GDPD1: variants seen among roughly 807,000 people sequenced by gnomAD.
GDPD1 encodes lysophospholipase D GDPD1.
In GDPD1, 28 loss-of-function variants were observed where a neutral mutation model predicts 45.1. The ratio of observed to expected loss-of-function variants is 0.62; its 90% CI spans 0.46 to 0.85. The LOEUF (loss-of-function observed/expected upper bound fraction) is 0.85, where lower values mean the gene tolerates loss of function less well. GDPD1 is among the 40% of genes least tolerant of loss of function. GDPD1 has a pLI of 0.00. For missense variants in GDPD1, 256 were observed against 364.8 expected (o/e 0.70, Z 2.43); for synonymous variants, 139 against 131.4 (o/e 1.06, Z -0.40).
rs370509022 is a variant in GDPD1 at position 59,238,826 on chromosome 17, T to C, written c.185+4292T>C. On this transcript the variant is annotated intron_variant, in intron 2 of 9. Coordinates refer to ENST00000284116, the MANE Select transcript of GDPD1 (RefSeq NM_182569.4). ...CACTAGTTGCTTACTGAATGAAATA[T>C]GGAATGGGACATTCAGGAATAAAGC... 6.6e-4 allele frequency among the ~76,000 whole-genome samples: 100 copies of C among 152,314 alleles called. 1 individual carries two copies. In the South Asian group the frequency reaches 0.019, roughly 29 times the overall value.
At chr17:59,240,708 C>G (rs919961431) in intron 2 of GDPD1, among the ~76,000 whole-genome samples, 47 of 152,236 alleles carry the variant, frequency 3.1e-4, no homozygotes, top group Admixed American at 5.2e-4. Context: ...TGACCTCAAG[C>G]AATCCTCCTG....
At chr17:59,247,008 T>G (rs571635087) in intron 3 of GDPD1, among the ~76,000 whole-genome samples, 6 of 152,004 alleles carry the variant, frequency 3.9e-5, no homozygotes, top group Non-Finnish European at 8.8e-5. Context: ...CCTCAGTTGA[T>G]CCTCCTGCCT....
intron 6 of GDPD1, among the ~76,000 whole-genome samples, chr17:59,258,086 C>T (rs1365710489): frequency 1.3e-5 from 2 of 151,864 alleles, no homozygotes; most frequent in African/African-American, 4.8e-5. Flanking sequence ...ACCACTGCAC[C>T]CAGCTAATTT....
In GDPD1 at chr17:59,275,138, G is replaced by A. The variant is rs778560482; in HGVS notation, c.*1365G>A. On this transcript the variant is annotated 3_prime_UTR_variant, in exon 10 of 10. Transcript: ENST00000284116. The stretch of plus-strand genomic sequence containing the variant: ...ATTACAGGTTTGAACCACTGCACCC[G>A]GCCAGTAAAAGAAATTTTGAAGGCC... 1.3e-5 allele frequency: 20 copies of A among 1,536,016 alleles called. 1 individual carries two copies. The highest frequency in any genetic ancestry group is 1.7e-4 in the Middle Eastern group (1 of 5,822).
At chr17:59,234,356 A>C in intron 1 of GDPD1, 136 bp from the exon 2 acceptor site, 1 of 609,186 alleles carries the variant, frequency 1.6e-6, no homozygotes, top group Non-Finnish European at 2.9e-6. Context: ...GTCTCAAAAA[A>C]ACCCAAAAAA....
chr17:59,234,638 T>G, intron 2 of GDPD1, 104 bp downstream of exon 2: 3 of 773,012 alleles, frequency 3.9e-6, no homozygotes, highest in Non-Finnish European at 6.6e-6. Context: ...AAGTGTAGCA[T>G]CAGTTTGTGA....
rs1350110886 is a variant in GDPD1, at chr17:59,274,702, C to T, written c.*929C>T. On this transcript the variant is annotated 3_prime_UTR_variant, in exon 10 of 10. Coordinates refer to ENST00000284116, the MANE Select transcript of GDPD1 (RefSeq NM_182569.4). ...CTGAGTCAGGAGAATGGCGTGAACC[C>T]GGGAGGCGGAGCTTGCAGTGAGCCG... is the stretch of plus-strand genomic sequence containing the variant. Among the ~76,000 whole-genome samples, 1 of 150,264 alleles carries T rather than the reference C, an allele frequency of 6.7e-6. No individual in the cohort carries two copies. Among genetic ancestry groups the T allele is most frequent in the Non-Finnish European group, 1.5e-5 (1 of 67,576 alleles).
At chr17:59,268,070 G>A (rs1397648362) in intron 7 of GDPD1, among the ~76,000 whole-genome samples, 2 of 152,034 alleles carry the variant, frequency 1.3e-5, no homozygotes, top group Non-Finnish European at 2.9e-5. Flanking sequence ...AAATACATAG[G>A]TACATAAAAA....
At chr17:59,244,052 A>G (rs1479951612) in intron 2 of GDPD1, among the ~76,000 whole-genome samples, 1 of 152,242 alleles carries the variant, frequency 6.6e-6, no homozygotes, top group East Asian at 1.9e-4. Context: ...GGCAAGTTTT[A>G]CCACAAGAGT....
chr17:59,260,593 C>T (rs550578632), intron 6 of GDPD1, among the ~76,000 whole-genome samples: 18 of 151,602 alleles, frequency 1.2e-4, no homozygotes, highest in Non-Finnish European at 2.1e-4. Context: ...GATAGTTAAA[C>T]CTTCATAATC....
chr17:59,263,290 C>T (rs895813491), intron 6 of GDPD1, among the ~76,000 whole-genome samples: 2 of 151,984 alleles, frequency 1.3e-5, no homozygotes, highest in Non-Finnish European at 2.9e-5. Context: ...TCTCATTCTC[C>T]CAAAGTGCTG....
At chr17:59,262,379 A>T (rs1364351023) in intron 6 of GDPD1, among the ~76,000 whole-genome samples, 1 of 152,160 alleles carries the variant, frequency 6.6e-6, no homozygotes, top group East Asian at 1.9e-4. Flanking sequence ...ACAAACTCTG[A>T]CATTTCCATA....
At chr17:59,248,200 T>C (rs530286174) in intron 3 of GDPD1, among the ~76,000 whole-genome samples, 88 of 151,948 alleles carry the variant, frequency 5.8e-4, no homozygotes, top group Admixed American at 3.3e-3. Flanking sequence ...AAAGGATGGA[T>C]CCTTCTGAGG....
intron 2 of GDPD1, among the ~76,000 whole-genome samples, chr17:59,241,212 C>G (rs1285438107): frequency 1.3e-5 from 2 of 152,186 alleles, no homozygotes; most frequent in Non-Finnish European, 2.9e-5. Context: ...TGGTGCATGA[C>G]TTTATAATAT....
chr17:59,224,209 G>A (rs1266576526), intron 1 of GDPD1, among the ~76,000 whole-genome samples: 1 of 152,144 alleles, frequency 6.6e-6, no homozygotes, highest in Non-Finnish European at 1.5e-5. Context: ...ATGGGTGAAA[G>A]ATCATTCAAA....
rs1259959124 is a variant in GDPD1, at chr17:59,230,433, A to T, written c.143-4059A>T. Among the ~76,000 whole-genome samples the T allele has an allele frequency of 2.6e-5, 3 of 116,436 alleles. No individual in the cohort carries two copies. The East Asian group carries it at 8.8e-4, about 34-fold the overall frequency. The allele number at this position is 116,436 out of a possible 152,430, so 76.4% of individuals were successfully genotyped here. A position where few individuals can be genotyped will look rare whatever the true frequency, so the allele number is the denominator to read the frequency against. Reference sequence around the variant, plus strand: ...GTTTTGCTCTTGTTGCCCAGGCTGGAGTGCAATGGCGCGATCTTGGCTCAC... The same window carrying T: ...GTTTTGCTCTTGTTGCCCAGGCTGGTGTGCAATGGCGCGATCTTGGCTCAC... On this transcript the variant is annotated intron_variant, in intron 1 of 9. Coordinates refer to ENST00000284116, the MANE Select transcript of GDPD1 (RefSeq NM_182569.4).
At chr17:59,238,071 C>T (rs967223101) in intron 2 of GDPD1, among the ~76,000 whole-genome samples, 1 of 150,456 alleles carries the variant, frequency 6.6e-6, no homozygotes, top group Non-Finnish European at 1.5e-5. Flanking sequence ...GAGTTTGAGA[C>T]CAGACTGACC....
intron 2 of GDPD1, among the ~76,000 whole-genome samples, chr17:59,244,483 A>C (rs1375707433): frequency 6.6e-6 from 1 of 152,078 alleles, no homozygotes; most frequent in African/African-American, 2.4e-5. Flanking sequence ...CGCCTGAGCC[A>C]CCACACCTGG....
intron 8 of GDPD1, among the ~76,000 whole-genome samples, chr17:59,272,278 C>G (rs2147909785): frequency 6.6e-6 from 1 of 152,116 alleles, no homozygotes; most frequent in East Asian, 1.9e-4. Context: ...TTACTTGGAA[C>G]AAAAAAATAT....
Sources: allele counts gnomAD v4.1 joint callset (sites outside exome capture counted in the v4.1 genomes callset), GRCh38; gene constraint gnomAD v4.1.1; transcripts MANE v1.5; gene names NCBI Gene and HGNC (gene_info 2026-07-23, HGNC 2026-07-21).